The following PTPRM variants were observed in gnomAD, a reference collection of about 807,000 sequenced individuals.
PTPRM encodes receptor-type tyrosine-protein phosphatase mu.
A neutral mutation model predicts 186.7 loss-of-function variants in PTPRM; 47 were observed. That is an observed-to-expected ratio of 0.25 (90% CI 0.20 to 0.32). PTPRM has a LOEUF of 0.32. Among genes scored for constraint, PTPRM ranks in the 10% least tolerant of loss-of-function variants. PTPRM has a pLI of 1.00. For missense variants in PTPRM, 1,494 were observed against 1,865.0 expected (o/e 0.80, Z 3.66); for synonymous variants, 668 against 674.9 (o/e 0.99, Z 0.16).
At chr18:8,057,425 C>CTTTTTTTTTTTTTTTTT (rs763829289) in intron 7 of PTPRM, among the ~76,000 whole-genome samples, 1 of 102,562 alleles carries the variant, frequency 9.8e-6, no homozygotes, top group African/African-American at 4.3e-5. Flanking sequence ...TGTGATACTT[C>CTTTTTTTTTTTTTTTTT]TTTTTTTTTT....
chr18:7,723,911 G>A (rs2144880034), intron 1 of PTPRM, among the ~76,000 whole-genome samples: 1 of 152,246 alleles, frequency 6.6e-6, no homozygotes, highest in East Asian at 1.9e-4. Flanking sequence ...TGCTTCTGAA[G>A]CTTCCTTACA....
At chr18:7,795,794 T>TTTTC (rs940127102) in intron 2 of PTPRM, among the ~76,000 whole-genome samples, 33 of 150,308 alleles carry the variant, frequency 2.2e-4, no homozygotes, top group African/African-American at 6.9e-4. Flanking sequence ...TTATCGCATT[T>TTTTC]TTTCTTTCTT....
rs557766971 is a variant in PTPRM, at chr18:8,372,056, CTTTT to C, written c.3171+1073_3171+1076del. Among the ~76,000 whole-genome samples the C allele has an allele frequency of 1.3e-3, 79 of 59,066 alleles. 4 individuals are homozygous for C. The highest frequency in any genetic ancestry group is 7.6e-3 in the South Asian group (12 of 1,578). The allele number at this position is 59,066 out of a possible 152,430, so 38.7% of individuals were successfully genotyped here. A position where few individuals can be genotyped will look rare whatever the true frequency, so the allele number is the denominator to read the frequency against. On this transcript the variant is annotated intron_variant, in intron 24 of 32. Coordinates refer to ENST00000580170, the MANE Select transcript of PTPRM (RefSeq NM_001105244.2). The stretch of plus-strand genomic sequence containing the variant: ...TTGGCCTTCCTCTCCACTCTATATT[CTTTT>C]TTTTTTTTTTTTTTTTTTTTTTAAG...
intron 1 of PTPRM, among the ~76,000 whole-genome samples, chr18:7,594,722 C>T (rs1020879361): frequency 4.6e-5 from 7 of 152,052 alleles, no homozygotes; most frequent in African/African-American, 1.7e-4. Context: ...GGGTGATGCT[C>T]TTCTCATTAA....
chr18:8,145,522 T>A (rs2092862280), intron 14 of PTPRM, among the ~76,000 whole-genome samples: 1 of 152,176 alleles, frequency 6.6e-6, no homozygotes, highest in Non-Finnish European at 1.5e-5. Context: ...CCTCCCTGTG[T>A]CCATGCATTG....
At chr18:8,385,355 A>G (rs1403314145) in intron 30 of PTPRM, among the ~76,000 whole-genome samples, 1 of 152,244 alleles carries the variant, frequency 6.6e-6, no homozygotes, top group Non-Finnish European at 1.5e-5. Context: ...TAGATGTAGT[A>G]AGTTAGGAAG....
chr18:7,819,869 G>A (rs1568176313), intron 2 of PTPRM, among the ~76,000 whole-genome samples: 1 of 152,156 alleles, frequency 6.6e-6, no homozygotes, highest in Non-Finnish European at 1.5e-5. Context: ...GGGGACAAGG[G>A]ATCTCTTCTT....
intron 10 of PTPRM, among the ~76,000 whole-genome samples, chr18:8,086,195 A>AT (rs2090425140): frequency 6.6e-6 from 1 of 152,008 alleles, no homozygotes; most frequent in Admixed American, 6.6e-5. Context: ...TGTTGGAAAA[A>AT]TCTCTGTAAT....
intron 1 of PTPRM, among the ~76,000 whole-genome samples, chr18:7,652,759 G>A (rs1164016159): frequency 8.2e-6 from 1 of 121,842 alleles, no homozygotes. Flanking sequence ...GTTGTGGGGT[G>A]GGGGGAGGGG....
chr18:7,855,811 A>G (rs2047068173), intron 2 of PTPRM, among the ~76,000 whole-genome samples: 1 of 152,232 alleles, frequency 6.6e-6, no homozygotes, highest in Non-Finnish European at 1.5e-5. Context: ...ACATTTGTGT[A>G]TCTTTGTGAA....
chr18:8,366,135 G>T (rs1431123153), intron 23 of PTPRM, among the ~76,000 whole-genome samples: 2 of 152,190 alleles, frequency 1.3e-5, no homozygotes, highest in African/African-American at 4.8e-5. Flanking sequence ...TTTGGGAACT[G>T]CTGACTTCTT....
At chr18:7,942,298 A>T (rs984429111) in intron 5 of PTPRM, among the ~76,000 whole-genome samples, 23 of 152,040 alleles carry the variant, frequency 1.5e-4, no homozygotes, top group Middle Eastern at 3.4e-3. Context: ...AAAAAAAAAA[A>T]ATATTTAATA....
intron 7 of PTPRM, among the ~76,000 whole-genome samples, chr18:8,050,952 A>G (rs1274336076): frequency 6.6e-6 from 1 of 152,156 alleles, no homozygotes; most frequent in Non-Finnish European, 1.5e-5. Flanking sequence ...AACTGTACCC[A>G]AGTGTCAGAG....
intron 2 of PTPRM, among the ~76,000 whole-genome samples, chr18:7,840,059 T>G: frequency 3.8e-5 from 1 of 26,578 alleles, no homozygotes; most frequent in African/African-American, 1.6e-4. Context: ...TATGTGTGTA[T>G]GGGGTGGGGT....
intron 22 of PTPRM, among the ~76,000 whole-genome samples, chr18:8,319,843 AGGTGGAAAGCAGCT>A (rs1182880690): frequency 6.6e-6 from 1 of 152,224 alleles, no homozygotes; most frequent in Non-Finnish European, 1.5e-5. Flanking sequence ...TAGTTCTCCC[AGGTGGAAAGCAGCT>A]GGTGGGTCAC....
intron 11 of PTPRM, among the ~76,000 whole-genome samples, chr18:8,090,507 C>A (rs1319417363): frequency 1.3e-5 from 2 of 152,192 alleles, no homozygotes; most frequent in African/African-American, 4.8e-5. Context: ...ACCTTTTGCA[C>A]ATTTTCTATA....
intron 1 of PTPRM, among the ~76,000 whole-genome samples, chr18:7,686,833 T>G (rs2039613455): frequency 6.6e-6 from 1 of 152,132 alleles, no homozygotes; most frequent in African/African-American, 2.4e-5. Context: ...AATCCTTATA[T>G]TTAATCCCTC....
chr18:7,674,023 G>A (rs2039277942), intron 1 of PTPRM, among the ~76,000 whole-genome samples: 1 of 152,144 alleles, frequency 6.6e-6, no homozygotes, highest in Admixed American at 6.6e-5. Flanking sequence ...AGATGTGGAT[G>A]GACCTGAAGG....
At chr18:8,024,337 TG>T (rs1257172943) in intron 7 of PTPRM, among the ~76,000 whole-genome samples, 1 of 152,198 alleles carries the variant, frequency 6.6e-6, no homozygotes, top group Non-Finnish European at 1.5e-5. Flanking sequence ...TAGTTTCTCT[TG>T]GGGCCTGATC....
Sources: gnomAD v4.1 joint callset for allele counts (sites outside exome capture counted in the v4.1 genomes callset) on GRCh38, gnomAD v4.1.1 for gene constraint, MANE v1.5 for transcripts, NCBI Gene and HGNC (gene_info 2026-07-23, HGNC 2026-07-21) for gene names.